CSRNP3: variants seen among roughly 807,000 people sequenced by gnomAD.
The protein encoded by CSRNP3 is cysteine and serine rich nuclear protein 3, also known as cysteine/serine-rich nuclear protein 3.
In CSRNP3, 12 loss-of-function variants were observed where a neutral mutation model predicts 48.0. That is an observed-to-expected ratio of 0.25 (90% confidence interval 0.16 to 0.41). CSRNP3 has a LOEUF of 0.41. Among genes scored for constraint, CSRNP3 ranks in the 10% least tolerant of loss-of-function variants. The pLI is 1.00. For missense variants in CSRNP3, 580 were observed against 724.4 expected, an observed-to-expected ratio of 0.80 and a Z score of 2.29; for synonymous variants, 263 against 269.7, an observed-to-expected ratio of 0.98 and a Z score of 0.24.
At chr2:165,640,151 T>C (rs959872981) in intron 4 of CSRNP3, among the ~76,000 whole-genome samples, 2 of 152,334 alleles carry the variant, frequency 1.3e-5, no homozygotes, top group African/African-American at 4.8e-5. Context: ...ATTATATAAA[T>C]GATTTTTGAT....
At chr2:165,524,231 A>G (rs1268195370) in intron 3 of CSRNP3, among the ~76,000 whole-genome samples, 2 of 152,212 alleles carry the variant, frequency 1.3e-5, no homozygotes, top group Non-Finnish European at 2.9e-5. Context: ...GGAGGAGGGA[A>G]GGACGATGGC....
At chr2:165,544,890 C>A (rs541466179) in intron 3 of CSRNP3, among the ~76,000 whole-genome samples, 1 of 151,880 alleles carries the variant, frequency 6.6e-6, no homozygotes, top group South Asian at 2.1e-4. Flanking sequence ...AGAAAGGAAC[C>A]AAGAATTGAG....
chr2:165,511,344 T>C (rs1022316858), intron 2 of CSRNP3, among the ~76,000 whole-genome samples: 1 of 151,976 alleles, frequency 6.6e-6, no homozygotes, highest in Admixed American at 6.6e-5. Context: ...AATAACGATT[T>C]TAAGATGGGA....
intron 5 of CSRNP3, among the ~76,000 whole-genome samples, chr2:165,667,060 A>G (rs1687241950): frequency 7.2e-6 from 1 of 138,598 alleles, no homozygotes; most frequent in Non-Finnish European, 1.6e-5. Context: ...GAAAGGAAGG[A>G]AGGAAGGAAA....
chr2:165,619,032 T>G (rs1297315605), intron 4 of CSRNP3, among the ~76,000 whole-genome samples: 1 of 152,222 alleles, frequency 6.6e-6, no homozygotes, highest in East Asian at 1.9e-4. Context: ...GTCATAAAAC[T>G]GTCAGTCATG....
intron 3 of CSRNP3, among the ~76,000 whole-genome samples, chr2:165,524,162 G>T (rs1389546117): frequency 6.6e-6 from 1 of 152,042 alleles, no homozygotes; most frequent in African/African-American, 2.4e-5. Context: ...AAGGAAAGTC[G>T]ATTAACAAAC....
intron 3 of CSRNP3, among the ~76,000 whole-genome samples, chr2:165,553,692 C>G (rs1026840061): frequency 1.3e-5 from 2 of 152,156 alleles, no homozygotes; most frequent in African/African-American, 4.8e-5. Context: ...CACAAAATTT[C>G]TACCTTCCAT....
chr2:165,583,714 C>T lies in CSRNP3; in HGVS notation c.-23-11329C>T, dbSNP rs768248640. 8.9e-4 allele frequency among the ~76,000 whole-genome samples: 135 copies of T among 152,248 alleles called. 5 individuals are homozygous for T. The highest frequency in any genetic ancestry group is 3.4e-3 in the Middle Eastern group (1 of 294). Reference sequence around the variant, plus strand: ...AATGGTCTCCTGCCTTGCACTTCCCCGGTCTTCATGTTTTACACTAGTAAA... The same window carrying T: ...AATGGTCTCCTGCCTTGCACTTCCCTGGTCTTCATGTTTTACACTAGTAAA... On this transcript the variant is annotated intron_variant, in intron 3 of 6. Transcript: ENST00000651982.
At chr2:165,483,702 C>T (rs970033224) in intron 1 of CSRNP3, among the ~76,000 whole-genome samples, 5 of 152,048 alleles carry the variant, frequency 3.3e-5, no homozygotes, top group Middle Eastern at 3.2e-3. Context: ...TGATAGATAC[C>T]GTGTCTGGTG....
At chr2:165,528,350 T>C (rs1684767463) in intron 3 of CSRNP3, among the ~76,000 whole-genome samples, 1 of 152,246 alleles carries the variant, frequency 6.6e-6, no homozygotes, top group South Asian at 2.1e-4. Flanking sequence ...CTATTTTTGC[T>C]TTTGTTGCTT....
At chr2:165,616,474 C>T (rs1474397607) in intron 4 of CSRNP3, among the ~76,000 whole-genome samples, 1 of 152,196 alleles carries the variant, frequency 6.6e-6, no homozygotes. Flanking sequence ...TTAATTCACT[C>T]AGGTTCACCT....
Position 165,685,568 on chromosome 2 carries a change from GTAAA to G in CSRNP3, c.*5818_*5821del, listed in dbSNP as rs1337334414. The G allele has an allele frequency of 1.3e-5, 2 of 152,064 alleles. No homozygotes were observed. Among genetic ancestry groups the G allele is most frequent in the African/African-American group, 4.8e-5 (2 of 41,438 alleles). The allele number at this position is 152,064 out of a possible 1,614,324, so 9.4% of individuals were successfully genotyped here. A position where few individuals can be genotyped will look rare whatever the true frequency, so the allele number is the denominator to read the frequency against. On this transcript the variant is annotated 3_prime_UTR_variant, in exon 7 of 7. Coordinates refer to ENST00000651982, the MANE Select transcript of CSRNP3 (RefSeq NM_001172173.2). ...TATTCACATCTAGCCTGGAATTTTA[GTAAA>G]TACAGATACTTGTTGTATCCATGGG...
At chr2:165,594,976 G>A in intron 3 of CSRNP3, 67 bp from the exon 4 acceptor site, 1 of 1,447,828 alleles carries the variant, frequency 6.9e-7, no homozygotes, top group East Asian at 2.3e-5. Context: ...AAATGACTCT[G>A]GAGACCTTGG....
rs1687541249 is a variant in CSRNP3, at chr2:165,681,710, T to A, written c.*1957T>A. ...TGGGCTAATCAGAATGAGGATTTGTTGAAATCTCAAATATACATATATATA... is the reference window on the plus strand; with the variant it reads ...TGGGCTAATCAGAATGAGGATTTGTAGAAATCTCAAATATACATATATATA... On this transcript the variant is annotated 3_prime_UTR_variant, in exon 7 of 7. Coordinates refer to ENST00000651982, the MANE Select transcript of CSRNP3 (RefSeq NM_001172173.2). The A allele has an allele frequency of 7.5e-6, 1 of 133,546 alleles. No homozygotes were observed. The highest frequency in any genetic ancestry group is 7.9e-5 in the Admixed American group (1 of 12,714). 8.3% of individuals were successfully genotyped at this position (133,546 alleles called of 1,614,324 possible).
intron 2 of CSRNP3, among the ~76,000 whole-genome samples, chr2:165,505,499 A>T (rs1684413951): frequency 6.6e-6 from 1 of 152,140 alleles, no homozygotes. Flanking sequence ...TCTGTTTAGC[A>T]TCTCATATTC....
chr2:165,612,613 C>G (rs1328907846), intron 4 of CSRNP3, among the ~76,000 whole-genome samples: 1 of 151,956 alleles, frequency 6.6e-6, no homozygotes, highest in East Asian at 1.9e-4. Flanking sequence ...AATCACAGTT[C>G]TACTCTCTAC....
At chr2:165,491,867 G>A (rs1279599438) in intron 1 of CSRNP3, among the ~76,000 whole-genome samples, 3 of 139,508 alleles carry the variant, frequency 2.2e-5, no homozygotes, top group Non-Finnish European at 4.6e-5. Context: ...GAGTTAGTGG[G>A]TGCAGCGCAC....
chr2:165,599,329 G>GAAAGAAAGAAA (rs774882658), intron 4 of CSRNP3, among the ~76,000 whole-genome samples: 7 of 107,764 alleles, frequency 6.5e-5, no homozygotes, highest in African/African-American at 2.6e-4. Context: ...AAGAAAGAAA[G>GAAAGAAAGAAA]GAAAAGAAAA....
chr2:165,585,127 C>T (rs1226635278), intron 3 of CSRNP3, among the ~76,000 whole-genome samples: 2 of 151,360 alleles, frequency 1.3e-5, no homozygotes, highest in African/African-American at 2.4e-5. Context: ...TTTAAACTAA[C>T]AGTTAAACAT....
Sources: gnomAD v4.1 joint callset for allele counts (sites outside exome capture counted in the v4.1 genomes callset) on GRCh38, gnomAD v4.1.1 for gene constraint, MANE v1.5 for transcripts, NCBI Gene and HGNC (gene_info 2026-07-23, HGNC 2026-07-21) for gene names.